SERPINI2: variants seen among roughly 807,000 people sequenced by gnomAD.
The protein encoded by SERPINI2 is serpin I2.
Under a neutral mutation model 47.3 loss-of-function variants are expected in SERPINI2, and 48 were observed. The ratio of observed to expected loss-of-function variants is 1.02; its 90% CI spans 0.81 to 1.29. The LOEUF (loss-of-function observed/expected upper bound fraction) is 1.29. Among genes scored for constraint, SERPINI2 ranks in the 50% most tolerant of loss-of-function variants. SERPINI2 has a pLI of 0.00. For missense variants in SERPINI2, 448 were observed against 456.9 expected (o/e 0.98, Z 0.18); for synonymous variants, 135 against 149.3 (o/e 0.90, Z 0.70).
At chr3:167,458,991 T>C (rs964229494) in intron 5 of SERPINI2, among the ~76,000 whole-genome samples, 6 of 152,230 alleles carry the variant, frequency 3.9e-5, no homozygotes, top group Non-Finnish European at 4.4e-5. Context: ...TTATACTATA[T>C]TTTCAGAATG....
At chr3:167,456,579 CTGTT>C (rs920499070) in intron 5 of SERPINI2, among the ~76,000 whole-genome samples, 20 of 152,190 alleles carry the variant, frequency 1.3e-4, no homozygotes, top group African/African-American at 3.6e-4. Context: ...CTATCACTGA[CTGTT>C]TGTTCTGTTC....
chr3:167,453,279 A>T (rs1355455183), intron 5 of SERPINI2, among the ~76,000 whole-genome samples: 3 of 149,042 alleles, frequency 2.0e-5, no homozygotes, highest in Non-Finnish European at 4.4e-5. Flanking sequence ...TTTTTTTTGA[A>T]GTAACAATTA....
At chr3:167,467,103 T>C in exon 3 of SERPINI2, 1 of 1,613,516 alleles carries the variant, frequency 6.2e-7, no homozygotes, top group Non-Finnish European at 8.5e-7. Context: ...GCACAAGCCT[T>C]TGCATCTTGA....
intron 5 of SERPINI2, among the ~76,000 whole-genome samples, chr3:167,461,994 T>G (rs184764254): frequency 3.6e-4 from 55 of 152,232 alleles, no homozygotes; most frequent in Admixed American, 2.2e-3. Flanking sequence ...CTCTTTATAC[T>G]GGGAAATGTT....
chr3:167,448,204 G>T (rs1247184157), intron 7 of SERPINI2, among the ~76,000 whole-genome samples: 2 of 152,172 alleles, frequency 1.3e-5, no homozygotes, highest in African/African-American at 4.8e-5. Context: ...ATATGGCCTA[G>T]AAGAGTGGTT....
At chr3:167,468,486 C>T (rs1452655843) in intron 2 of SERPINI2, among the ~76,000 whole-genome samples, 1 of 152,130 alleles carries the variant, frequency 6.6e-6, no homozygotes, top group African/African-American at 2.4e-5. Flanking sequence ...TCAGTCCCTA[C>T]TTGCCTTTTT....
intron 8 of SERPINI2, among the ~76,000 whole-genome samples, chr3:167,446,069 T>A (rs1749470273): frequency 6.6e-6 from 1 of 152,206 alleles, no homozygotes. Flanking sequence ...TCTAGCTACG[T>A]AACCTGAGAC....
intron 5 of SERPINI2, among the ~76,000 whole-genome samples, chr3:167,462,282 A>T (rs1750004087): frequency 6.6e-6 from 1 of 152,234 alleles, no homozygotes; most frequent in Non-Finnish European, 1.5e-5. Flanking sequence ...GGCTGCCATA[A>T]CAAAGTACTA....
At chr3:167,449,056 G>A (rs1749564167) in intron 7 of SERPINI2, among the ~76,000 whole-genome samples, 1 of 152,168 alleles carries the variant, frequency 6.6e-6, no homozygotes. Flanking sequence ...CTAATTCACA[G>A]GTAATCCAAT....
intron 6 of SERPINI2, among the ~76,000 whole-genome samples, chr3:167,451,953 T>A (rs1398447572): frequency 9.2e-5 from 14 of 152,184 alleles, no homozygotes. Flanking sequence ...GTCAGATCTA[T>A]CTGTCAGTGT....
intron 2 of SERPINI2, 127 bp from the exon 3 acceptor site, chr3:167,467,412 C>T: frequency 4.9e-6 from 3 of 607,394 alleles, no homozygotes; most frequent in East Asian, 2.8e-5. Flanking sequence ...ACTAACAATC[C>T]CTTCAAAGTT....
intron 5 of SERPINI2, among the ~76,000 whole-genome samples, chr3:167,462,786 A>G (rs1398861872): frequency 6.6e-6 from 1 of 152,128 alleles, no homozygotes; most frequent in Non-Finnish European, 1.5e-5. Flanking sequence ...AAAGTTGTCT[A>G]CACTGTGGGA....
chr3:167,475,100 A>G (rs1750449122), upstream of SERPINI2, among the ~76,000 whole-genome samples: 1 of 151,722 alleles, frequency 6.6e-6, no homozygotes, highest in South Asian at 2.1e-4. Context: ...CTAATTAACT[A>G]AAATTTTTTG....
intron 5 of SERPINI2, among the ~76,000 whole-genome samples, chr3:167,453,741 T>G (rs765980481): frequency 5.3e-5 from 8 of 151,460 alleles, no homozygotes; most frequent in South Asian, 2.1e-4. Context: ...CTGGCTCACC[T>G]GTCTGTGCCT....
At chr3:167,449,278 T>C (rs747503345) in intron 7 of SERPINI2, 38 bp downstream of exon 7, 1 of 1,352,042 alleles carries the variant, frequency 7.4e-7, no homozygotes, top group Non-Finnish European at 1.1e-6. Context: ...CCTCTCCCCA[T>C]GTTTCCTTCT....
intron 5 of SERPINI2, among the ~76,000 whole-genome samples, chr3:167,464,565 A>G (rs1240331756): frequency 6.6e-6 from 1 of 151,636 alleles, no homozygotes; most frequent in South Asian, 2.1e-4. Flanking sequence ...ACGACAGTAT[A>G]TAATCTATTA....
intron 2 of SERPINI2, among the ~76,000 whole-genome samples, chr3:167,470,444 C>G (rs1343625144): frequency 6.7e-6 from 1 of 148,788 alleles, no homozygotes; most frequent in Non-Finnish European, 1.5e-5. Flanking sequence ...ATTCCCAAAT[C>G]AAAAATCTGT....
At chr3:167,447,412 C>A (rs538142483) in intron 7 of SERPINI2, among the ~76,000 whole-genome samples, 6 of 152,136 alleles carry the variant, frequency 3.9e-5, no homozygotes, top group South Asian at 2.1e-4. Flanking sequence ...AATACTTGGA[C>A]TTTTTTTGCT....
chr3:167,444,126 A>T (rs1356409707), intron 8 of SERPINI2, among the ~76,000 whole-genome samples: 1 of 152,156 alleles, frequency 6.6e-6, no homozygotes, highest in Admixed American at 6.5e-5. Flanking sequence ...TTCTAAACAC[A>T]ATAACTTTCA....
Sources: allele counts gnomAD v4.1 joint callset (sites outside exome capture counted in the v4.1 genomes callset), GRCh38; gene constraint gnomAD v4.1.1; transcripts MANE v1.5; gene names NCBI Gene and HGNC (gene_info 2026-07-23, HGNC 2026-07-21).